Variants in FBXO34 observed in about 807,000 individuals in gnomAD.
The protein encoded by FBXO34 is F-box protein 34.
Under a neutral mutation model 24.5 loss-of-function variants are expected in FBXO34, and 12 were observed. The observed-to-expected ratio is 0.49, with a 90% CI of 0.31 to 0.79. The LOEUF (loss-of-function observed/expected upper bound fraction) is 0.79, where lower values mean the gene tolerates loss of function less well. Among genes scored for constraint, FBXO34 ranks in the 30% least tolerant of loss-of-function variants. FBXO34 has a pLI of 0.04. For missense variants in FBXO34, 823 were observed against 857.7 expected, an observed-to-expected ratio of 0.96 and a Z score of 0.51; for synonymous variants, 320 against 311.9, an observed-to-expected ratio of 1.03 and a Z score of -0.27.
intron 1 of FBXO34, chr14:55,325,918 A>C (rs1206762618): frequency 1.3e-5 from 2 of 152,164 alleles, no homozygotes; most frequent in Non-Finnish European, 2.9e-5. Flanking sequence ...GAATGCTTGA[A>C]TTTTCAGCAA....
Position 55,350,707 on chromosome 14 carries a change from A to C in FBXO34, c.317A>C (p.Asp106Ala). Residue 106 changes from aspartate (D) to alanine (A), a missense_variant, in exon 2 of 2, where the codon GAT becomes GCT. Transcript: ENST00000313833. ...CAGGGCGAAGAAGAAGGACCACTTG[A>C]TATCTGGGCTGTTGTGAAACCTGGA... ...IHQGEEEGPL[D>A]IWAVVKPGNT... The C allele has an allele frequency of 6.2e-7, 1 of 1,613,346 alleles. No individual in the cohort carries two copies. Among genetic ancestry groups the C allele is most frequent in the South Asian group, 1.1e-5 (1 of 90,918 alleles).
At chr14:55,397,045 A>G in the FBXO34 span, among the ~76,000 whole-genome samples, 14 of 152,338 alleles carry the variant, frequency 9.2e-5, no homozygotes, top group East Asian at 2.7e-3. Flanking sequence ...GGAAGCAGTA[A>G]TGTCCTATGG....
the FBXO34 span, among the ~76,000 whole-genome samples, chr14:55,432,825 G>T: frequency 6.6e-6 from 1 of 152,284 alleles, no homozygotes; most frequent in South Asian, 2.1e-4. Flanking sequence ...GAGTTATGGT[G>T]AAAGAATACC....
the FBXO34 span, chr14:55,414,022 T>C: frequency 5.6e-6 from 3 of 536,886 alleles, no homozygotes; most frequent in Non-Finnish European, 1.1e-5. Flanking sequence ...AGAGAACATG[T>C]ATCAGGTGCC....
chr14:55,433,752 T>C, the FBXO34 span: 1 of 1,601,320 alleles, frequency 6.2e-7, no homozygotes, highest in Non-Finnish European at 8.5e-7. Flanking sequence ...AGAATTAGCC[T>C]CTGCTAGGAG....
intron 1 of FBXO34, among the ~76,000 whole-genome samples, chr14:55,309,481 AGTT>A (rs1370964950): frequency 6.6e-6 from 1 of 152,222 alleles, no homozygotes; most frequent in Non-Finnish European, 1.5e-5. Context: ...GCTTCTAAGC[AGTT>A]GTTCCATTTG....
the FBXO34 span, among the ~76,000 whole-genome samples, chr14:55,396,854 C>CA: frequency 1.2e-4 from 18 of 151,680 alleles, no homozygotes; most frequent in Middle Eastern, 3.4e-3. Context: ...TTCCCCCCCA[C>CA]AAAAAAAACA....
Position 55,350,950 on chromosome 14 carries a change from G to A in FBXO34, c.560G>A (p.Cys187Tyr), listed in dbSNP as rs371770836. 1.2e-6 allele frequency: 2 copies of A among 1,614,094 alleles called. No homozygotes were observed. The highest frequency in any genetic ancestry group is 1.7e-6 in the Non-Finnish European group (2 of 1,180,038). Residue 187 changes from cysteine (C) to tyrosine (Y), a missense_variant, in exon 2 of 2, where the codon TGT becomes TAT. By Grantham distance (194) the Cys-to-Tyr change is radical. Around this residue, in one of 2 missense-constraint regions of FBXO34, gnomAD observed 693 missense variants for 659.1 expected, o/e 1.05. Coordinates refer to ENST00000313833, the MANE Select transcript of FBXO34 (RefSeq NM_017943.4). ...PEPFACGIEH[C>Y]SVHYVSDSGD... ...CCTTTTGCATGTGGCATTGAGCACT[G>A]TTCTGTGCACTATGTGAGTGACAGT...
the FBXO34 span, among the ~76,000 whole-genome samples, chr14:55,379,241 G>C: frequency 6.6e-6 from 1 of 152,092 alleles, no homozygotes; most frequent in South Asian, 2.1e-4. Flanking sequence ...TTTATTTAAA[G>C]GGGGAAGATG....
intron 1 of FBXO34, chr14:55,335,535 T>C (rs1489140738): frequency 6.6e-6 from 1 of 152,228 alleles, no homozygotes; most frequent in African/African-American, 2.4e-5. Flanking sequence ...GTATAGTGTA[T>C]GTAGGAACCT....
chr14:55,383,588 C>CA, the FBXO34 span, among the ~76,000 whole-genome samples: 38 of 149,328 alleles, frequency 2.5e-4, no homozygotes, highest in East Asian at 7.8e-4. Context: ...ACAACAACAA[C>CA]AAAAAAAACC....
At chr14:55,276,023 G>T (rs1047777494) in intron 1 of FBXO34, among the ~76,000 whole-genome samples, 1 of 152,136 alleles carries the variant, frequency 6.6e-6, no homozygotes, top group African/African-American at 2.4e-5. Flanking sequence ...GTGAGTTCGG[G>T]CTTCCTTAGA....
chr14:55,274,274 G>T (rs1215987909), intron 1 of FBXO34, among the ~76,000 whole-genome samples: 1 of 152,208 alleles, frequency 6.6e-6, no homozygotes, highest in East Asian at 1.9e-4. Flanking sequence ...AATAGGTGAA[G>T]AATAAATGTC....
chr14:55,394,005 ATTTTTT>A, the FBXO34 span, among the ~76,000 whole-genome samples: 1 of 138,922 alleles, frequency 7.2e-6, no homozygotes, highest in South Asian at 2.3e-4. Context: ...CAGTATCATA[ATTTTTT>A]TTTTTTTTTT....
At chr14:55,332,252 G>A (rs1205326244) in intron 1 of FBXO34, among the ~76,000 whole-genome samples, 2 of 151,668 alleles carry the variant, frequency 1.3e-5, no homozygotes, top group Non-Finnish European at 2.9e-5. Flanking sequence ...GTGTTAAATC[G>A]TTAGTAAATG....
the FBXO34 span, among the ~76,000 whole-genome samples, chr14:55,380,239 C>T: frequency 6.8e-6 from 1 of 147,630 alleles, no homozygotes; most frequent in Admixed American, 6.7e-5. Flanking sequence ...CAGAGCGAGA[C>T]TCTGTCTCAA....
intron 1 of FBXO34, among the ~76,000 whole-genome samples, chr14:55,273,891 C>T (rs1881246854): frequency 6.6e-6 from 1 of 152,126 alleles, no homozygotes; most frequent in Non-Finnish European, 1.5e-5. Flanking sequence ...CTGCAACCTC[C>T]GCCTCCCGGG....
the FBXO34 span, chr14:55,414,465 A>T: frequency 2.5e-6 from 4 of 1,583,934 alleles, no homozygotes; most frequent in East Asian, 9.0e-5. Context: ...CCTATAAAGA[A>T]ATCCAGGTTT....
At chr14:55,369,744 C>A, downstream of FBXO34, 1 of 1,614,012 alleles carries the variant, frequency 6.2e-7, no homozygotes, top group Non-Finnish European at 8.5e-7. Context: ...TGGGAGACTT[C>A]CACAGACTGG....
Sources: gnomAD v4.1 joint callset for allele counts (sites outside exome capture counted in the v4.1 genomes callset) on GRCh38, gnomAD v4.1.1 for gene constraint, gnomAD v4.1.1 regional missense constraint, MANE v1.5 for transcripts, NCBI Gene and HGNC (gene_info 2026-07-23, HGNC 2026-07-21) for gene names.